IQSEC2: variants seen among roughly 807,000 people sequenced by gnomAD.
The protein encoded by IQSEC2 is IQ motif and SEC7 domain-containing protein 2.
A neutral mutation model predicts 74.6 loss-of-function variants in IQSEC2; 6 were observed. The ratio of observed to expected loss-of-function variants is 0.08; its 90% CI spans 0.04 to 0.16. IQSEC2 has a LOEUF of 0.16. Among genes scored for constraint, IQSEC2 ranks in the 10% least tolerant of loss-of-function variants. The pLI is 1.00. For missense variants in IQSEC2, 734 were observed against 1,306.2 expected (o/e 0.56, Z 6.75); for synonymous variants, 494 against 544.5 (o/e 0.91, Z 1.29).
chrX:53,239,156 C>T, intron 11 of IQSEC2, 39 bp downstream of exon 11: 1 of 1,013,296 alleles, frequency 9.9e-7, no homozygotes, highest in Non-Finnish European at 1.4e-6. Context: ...GGGGCCATGA[C>T]ATAGACTCTC....
At chrX:53,236,940 A>C (rs1169504020) in intron 12 of IQSEC2, among the ~76,000 whole-genome samples, 1 of 111,803 alleles carries the variant, frequency 8.9e-6, no homozygotes, top group Non-Finnish European at 1.9e-5. Flanking sequence ...TCCAGAGTTC[A>C]GTCAGTTCTC....
intron 1 of IQSEC2, among the ~76,000 whole-genome samples, chrX:53,307,796 G>C (rs1005313603): frequency 1.9e-5 from 2 of 106,486 alleles, no homozygotes; most frequent in Non-Finnish European, 3.9e-5. Flanking sequence ...CCAGCTATTC[G>C]GGAGGCTGAG....
At chrX:53,285,859 G>A (rs1556871639) in intron 2 of IQSEC2, among the ~76,000 whole-genome samples, 1 of 112,915 alleles carries the variant, frequency 8.9e-6, no homozygotes, top group African/African-American at 3.2e-5. Context: ...CATCGCTCCT[G>A]TGTCTGGAGA....
intron 2 of IQSEC2, chrX:53,281,636 G>C (rs2074966040): frequency 1.1e-6 from 1 of 881,909 alleles, no homozygotes; most frequent in African/African-American, 2.0e-5. Flanking sequence ...GGCGGGGCCA[G>C]GCCAGCTGGG....
downstream of IQSEC2, chrX:53,228,867 A>G (rs2074053298): frequency 8.9e-6 from 1 of 112,436 alleles, no homozygotes; most frequent in Admixed American, 9.4e-5. Flanking sequence ...ATAGATGTAT[A>G]GTATGTGCTT....
intron 2 of IQSEC2, among the ~76,000 whole-genome samples, chrX:53,284,212 T>C (rs941614348): frequency 7.2e-5 from 8 of 110,838 alleles, no homozygotes; most frequent in African/African-American, 2.6e-4. Flanking sequence ...TTTGATCAGA[T>C]CCTCGGATGG....
At chrX:53,316,869 C>A (rs1474087389) in intron 1 of IQSEC2, among the ~76,000 whole-genome samples, 1 of 109,989 alleles carries the variant, frequency 9.1e-6, no homozygotes, top group Non-Finnish European at 1.9e-5. Flanking sequence ...AAAACACCAC[C>A]AGGCCAGCCC....
chrX:53,272,775 G>A (rs1345754135), intron 2 of IQSEC2, among the ~76,000 whole-genome samples: 3 of 111,684 alleles, frequency 2.7e-5, no homozygotes, highest in Non-Finnish European at 5.6e-5. Context: ...CATGTACCCT[G>A]TACTCCTCTC....
chrX:53,288,442 C>T (rs890488244), intron 2 of IQSEC2, among the ~76,000 whole-genome samples: 18 of 101,813 alleles, frequency 1.8e-4, no homozygotes, highest in African/African-American at 2.5e-4. Flanking sequence ...TTCATCCTTG[C>T]GTGCCTAGCA....
At position 53,320,722 on chromosome X, in the gene IQSEC2, C is replaced by T. The variant is rs1556880166; in HGVS notation, c.402G>A (p.Glu134=). 2 of 1,167,614 alleles carry T rather than the reference C, an allele frequency of 1.7e-6. No individual in the cohort carries two copies. Among genetic ancestry groups the T allele is most frequent in the South Asian group, 3.8e-5 (2 of 52,761 alleles). The change falls in exon 1 of 15, where the codon GAG becomes GAA. Residue 134 remains glutamate (E), a synonymous_variant. Coordinates refer to ENST00000642864, the MANE Select transcript of IQSEC2 (RefSeq NM_001111125.3). The stretch of plus-strand genomic sequence containing the variant: ...CCTGGAGCGGGTAGGAGGCGTCCCG[C>T]TCCTTGTCCCGATACACAGCCTCCC... ...QNREAVYRDK[E]RDASYPLQDT...
At chrX:53,236,597 C>T in intron 12 of IQSEC2, 102 bp from the exon 13 acceptor site, 1 of 916,354 alleles carries the variant, frequency 1.1e-6, no homozygotes, top group African/African-American at 1.9e-5. Flanking sequence ...TTCCTCCTCC[C>T]TCCTCCCTCC....
chrX:53,264,212 C>T (rs1178167581), intron 2 of IQSEC2, among the ~76,000 whole-genome samples: 1 of 112,292 alleles, frequency 8.9e-6, no homozygotes, highest in Admixed American at 9.3e-5. Context: ...CTCAGCTCTG[C>T]AGCAGTGTGC....
At chrX:53,307,295 C>CTTTTTTTTTTTTTTTTTT (rs60909741) in intron 1 of IQSEC2, among the ~76,000 whole-genome samples, 19 of 55,939 alleles carry the variant, frequency 3.4e-4, no homozygotes, top group Non-Finnish European at 4.4e-4. Flanking sequence ...TTCTTTCTTT[C>CTTTTTTTTTTTTTTTTTT]TTTTTTTTTT....
At chrX:53,317,224 G>C (rs1444722294) in intron 1 of IQSEC2, among the ~76,000 whole-genome samples, 2 of 112,010 alleles carry the variant, frequency 1.8e-5, no homozygotes, top group Non-Finnish European at 3.8e-5. Flanking sequence ...CGACTAAAAA[G>C]CAAGCAAACA....
intron 8 of IQSEC2, 149 bp from the exon 9 acceptor site, chrX:53,243,620 C>A (rs1161882649): frequency 2.4e-5 from 20 of 836,374 alleles, no homozygotes; most frequent in Non-Finnish European, 3.2e-5. Context: ...AGGATTGGGG[C>A]AGGGAGGGTG....
downstream of IQSEC2, chrX:53,231,487 G>A (rs895622475): frequency 9.0e-6 from 1 of 111,553 alleles, no homozygotes; most frequent in Non-Finnish European, 1.9e-5. Context: ...TCTGTAGGTG[G>A]CTTACTGTGT....
rs201660631 is a variant in IQSEC2 at position 53,307,695 on chromosome X, AG to A, written c.707+12721del. 4.5e-3 allele frequency among the ~76,000 whole-genome samples: 483 copies of A among 107,602 alleles called. 3 individuals carry two copies. Among genetic ancestry groups the A allele is most frequent in the African/African-American group, 0.016 (466 of 29,658 alleles). The allele number at this position is 107,602 out of a possible 115,157, so 93.4% of individuals were successfully genotyped here. On this transcript the variant is annotated intron_variant, in intron 1 of 14. Transcript: ENST00000642864. ...CAAGGTGGGCAGGTCACTTGAGGTC[AG>A]GGGTTCGAGACTAACCTGGCCAACA... is the stretch of plus-strand genomic sequence containing the variant.
At chrX:53,231,808 G>T (rs1469326468), downstream of IQSEC2, 1 of 112,243 alleles carries the variant, frequency 8.9e-6, no homozygotes, top group Non-Finnish European at 1.9e-5. Flanking sequence ...TGGTCCATGA[G>T]GCGGCATCAA....
intron 1 of IQSEC2, among the ~76,000 whole-genome samples, chrX:53,296,314 C>T (rs782572909): frequency 3.6e-5 from 4 of 110,735 alleles, no homozygotes; most frequent in South Asian, 7.6e-4. Flanking sequence ...GGATTACAGG[C>T]GTGAGCCACC....
Sources: allele counts gnomAD v4.1 joint callset (sites outside exome capture counted in the v4.1 genomes callset), GRCh38; gene constraint gnomAD v4.1.1; transcripts MANE v1.5; gene names NCBI Gene and HGNC (gene_info 2026-07-23, HGNC 2026-07-21).